ARHGEF4: variants seen among roughly 807,000 people sequenced by gnomAD.
The protein encoded by ARHGEF4 is Rho guanine nucleotide exchange factor 4.
A neutral mutation model predicts 162.0 loss-of-function variants in ARHGEF4; 119 were observed. The ratio of observed to expected loss-of-function variants is 0.73; its 90% CI spans 0.63 to 0.86. The LOEUF (loss-of-function observed/expected upper bound fraction) is 0.86, where lower values mean the gene tolerates loss of function less well. Among genes scored for constraint, ARHGEF4 ranks in the 40% least tolerant of loss-of-function variants. The pLI, the probability that ARHGEF4 is intolerant of heterozygous loss-of-function variation, is 0.00. For missense variants in ARHGEF4, 2,488 were observed against 2,456.0 expected (o/e 1.01, Z -0.28); for synonymous variants, 1,014 against 979.9 (o/e 1.03, Z -0.65).
chr2:130,956,882 C>T (rs2105177365), intron 4 of ARHGEF4, among the ~76,000 whole-genome samples: 1 of 151,944 alleles, frequency 6.6e-6, no homozygotes, highest in East Asian at 1.9e-4. Context: ...CACGAGTCTG[C>T]AGCACACCAG....
intron 1 of ARHGEF4, among the ~76,000 whole-genome samples, chr2:130,898,173 G>C (rs544004315): frequency 6.6e-6 from 1 of 152,346 alleles, no homozygotes; most frequent in African/African-American, 2.4e-5. Flanking sequence ...CCCCAGGCTA[G>C]AGCCCTCTCT....
chr2:130,933,707 A>T (rs539559564), intron 3 of ARHGEF4, among the ~76,000 whole-genome samples: 4 of 152,336 alleles, frequency 2.6e-5, no homozygotes, highest in South Asian at 2.1e-4. Flanking sequence ...GGAAATTTTT[A>T]AAAGCTTCAT....
chr2:130,840,107 A>G (rs1680500954), intron 1 of ARHGEF4, among the ~76,000 whole-genome samples: 1 of 152,106 alleles, frequency 6.6e-6, no homozygotes, highest in African/African-American at 2.4e-5. Context: ...AAGCACACAC[A>G]TAGGCACACA....
chr2:130,999,160 C>CTTTTTTTTT (rs1249587118), intron 4 of ARHGEF4, among the ~76,000 whole-genome samples: 3 of 135,956 alleles, frequency 2.2e-5, no homozygotes, highest in African/African-American at 5.4e-5. Context: ...TTTGTTTTTT[C>CTTTTTTTTT]TTTTTTTTTT....
At chr2:130,871,624 A>G (rs1220759636) in intron 1 of ARHGEF4, among the ~76,000 whole-genome samples, 1 of 150,550 alleles carries the variant, frequency 6.6e-6, no homozygotes, top group African/African-American at 2.5e-5. Context: ...TGCTTTCAGA[A>G]ATTTTTAGGA....
intron 1 of ARHGEF4, among the ~76,000 whole-genome samples, chr2:130,876,638 C>T (rs1489716577): frequency 4.6e-5 from 7 of 152,150 alleles, no homozygotes; most frequent in Non-Finnish European, 8.8e-5. Flanking sequence ...GTGATCCGCC[C>T]GCCTCGGCCT....
At chr2:131,023,607 C>G (rs1415037513) in intron 4 of ARHGEF4, among the ~76,000 whole-genome samples, 1 of 152,094 alleles carries the variant, frequency 6.6e-6, no homozygotes, top group African/African-American at 2.4e-5. Flanking sequence ...GTGACAATAC[C>G]AAATGCTGCT....
chr2:131,009,604 C>G (rs1310256447), intron 4 of ARHGEF4, among the ~76,000 whole-genome samples: 3 of 152,070 alleles, frequency 2.0e-5, no homozygotes, highest in African/African-American at 7.2e-5. Flanking sequence ...GCTGCTATTT[C>G]TTTCAGTATT....
intron 1 of ARHGEF4, among the ~76,000 whole-genome samples, chr2:130,898,411 G>A (rs960366182): frequency 2.6e-5 from 4 of 152,204 alleles, no homozygotes; most frequent in African/African-American, 4.8e-5. Context: ...ATGGAGATGC[G>A]ATTGGACGCT....
At chr2:130,875,674 C>T (rs1678782875) in intron 1 of ARHGEF4, among the ~76,000 whole-genome samples, 1 of 152,214 alleles carries the variant, frequency 6.6e-6, no homozygotes, top group Non-Finnish European at 1.5e-5. Flanking sequence ...ATTTCGCCAC[C>T]TCCCAACACT....
intron 1 of ARHGEF4, among the ~76,000 whole-genome samples, chr2:130,864,303 G>T (rs1682106997): frequency 6.6e-6 from 1 of 152,120 alleles, no homozygotes; most frequent in Admixed American, 6.5e-5. Context: ...GAACTATATT[G>T]CATGATTCCA....
At chr2:131,019,913 C>T (rs563185759) in intron 4 of ARHGEF4, among the ~76,000 whole-genome samples, 2 of 152,294 alleles carry the variant, frequency 1.3e-5, no homozygotes, top group East Asian at 1.9e-4. Context: ...GGATTACAGG[C>T]GTGAGCCACC....
At chr2:130,950,345 G>C (rs1683879145) in intron 4 of ARHGEF4, among the ~76,000 whole-genome samples, 1 of 152,134 alleles carries the variant, frequency 6.6e-6, no homozygotes, top group Non-Finnish European at 1.5e-5. Flanking sequence ...AGTGGAGCTG[G>C]CAGGGCCAGG....
At chr2:130,973,314 G>A (rs1212741488) in intron 4 of ARHGEF4, among the ~76,000 whole-genome samples, 2 of 152,176 alleles carry the variant, frequency 1.3e-5, no homozygotes, top group Non-Finnish European at 2.9e-5. Flanking sequence ...CACAGTGAAA[G>A]GCTGTCTCTA....
chr2:130,850,060 GTCCC>G (rs1408506934), intron 1 of ARHGEF4, among the ~76,000 whole-genome samples: 1 of 152,156 alleles, frequency 6.6e-6, no homozygotes, highest in Non-Finnish European at 1.5e-5. Context: ...TCCCAGGGAG[GTCCC>G]AAGCCCTCAC....
intron 4 of ARHGEF4, among the ~76,000 whole-genome samples, chr2:130,966,743 C>T (rs1422820480): frequency 6.6e-6 from 1 of 152,252 alleles, no homozygotes; most frequent in Non-Finnish European, 1.5e-5. Context: ...ATTCAACAAT[C>T]ATGGCTTTTT....
intron 3 of ARHGEF4, among the ~76,000 whole-genome samples, chr2:130,935,539 C>T (rs2105116532): frequency 6.6e-6 from 1 of 152,306 alleles, no homozygotes; most frequent in East Asian, 1.9e-4. Context: ...GCATAGCGTT[C>T]ACTGCATCCA....
chr2:130,916,402 C>T lies in ARHGEF4; in HGVS notation c.2456C>T (p.Thr819Ile). Residue 819 changes from threonine (T) to isoleucine (I), a missense_variant, in exon 2 of 14, where the codon ACC (threonine) becomes ATC (isoleucine). By Grantham distance (89) the Thr-to-Ile change is moderately conservative (BLOSUM62 -1). Transcript: ENST00000409359. Reference sequence around the variant, plus strand: ...CCAGGAGGGGTCCCGGCCCCGACCACCGAGGGTCGCCGCTGGGGCTCTTCA... The same window carrying T: ...CCAGGAGGGGTCCCGGCCCCGACCATCGAGGGTCGCCGCTGGGGCTCTTCA... ...ESPGGVPAPT[T>I]EGRRWGSSGP... 1 of 1,528,978 alleles carries T rather than the reference C, an allele frequency of 6.5e-7. No homozygotes were observed. The highest frequency in any genetic ancestry group is 8.8e-7 in the Non-Finnish European group (1 of 1,141,458). 94.7% of individuals were successfully genotyped at this position (1,528,978 alleles called of 1,614,324 possible).
At chr2:130,839,962 G>C (rs1574074310) in intron 1 of ARHGEF4, among the ~76,000 whole-genome samples, 1 of 152,296 alleles carries the variant, frequency 6.6e-6, no homozygotes, top group Non-Finnish European at 1.5e-5. Flanking sequence ...GTCATCAGGA[G>C]AGAAAGGTCA....
Sources: gnomAD v4.1 joint callset for allele counts (sites outside exome capture counted in the v4.1 genomes callset) on GRCh38, gnomAD v4.1.1 for gene constraint, MANE v1.5 for transcripts, NCBI Gene and HGNC (gene_info 2026-07-23, HGNC 2026-07-21) for gene names.